The following ZMPSTE24 variants were observed in gnomAD, a reference collection of about 807,000 sequenced individuals.
ZMPSTE24 encodes the protein CAAX prenyl protease 1 homolog.
A neutral mutation model predicts 56.7 loss-of-function variants in ZMPSTE24; 48 were observed. The observed-to-expected ratio is 0.85, with a 90% CI of 0.67 to 1.08. ZMPSTE24 has a LOEUF of 1.08. Among genes scored for constraint, ZMPSTE24 ranks in the 50% least tolerant of loss-of-function variants. ZMPSTE24 has a pLI of 0.00. For synonymous variants in ZMPSTE24, 172 were observed against 195.2 expected (o/e 0.88, Z 0.99); for missense variants, 503 against 548.7 (o/e 0.92, Z 0.83).
At chr1:40,291,867 G>C (rs1281115869) in intron 9 of ZMPSTE24, among the ~76,000 whole-genome samples, 1 of 146,046 alleles carries the variant, frequency 6.8e-6, no homozygotes, top group Non-Finnish European at 1.5e-5. Context: ...TTAAGATGGA[G>C]TCTCGCTCTG....
At chr1:40,291,744 A>C (rs1033004478) in intron 9 of ZMPSTE24, among the ~76,000 whole-genome samples, 1 of 152,216 alleles carries the variant, frequency 6.6e-6, no homozygotes, top group Non-Finnish European at 1.5e-5. Context: ...ACACCAGGAA[A>C]GAAAAATGGA....
chr1:40,258,482 C>T (rs2124573839), intron 1 of ZMPSTE24, 88 bp downstream of exon 1: 2 of 1,599,522 alleles, frequency 1.3e-6, no homozygotes, highest in Admixed American at 3.3e-5. Flanking sequence ...TTGATTGCTT[C>T]GGTCCCCGCG....
At position 40,293,395 on chromosome 1, in the gene ZMPSTE24, G is replaced by A. The variant is rs1170402461; in HGVS notation, c.*726G>A. The A allele has an allele frequency of 2.6e-5, 4 of 151,600 alleles. No homozygotes were observed. The highest frequency in any genetic ancestry group is 2.1e-4 in the South Asian group (1 of 4,812). The allele number at this position is 151,600 out of a possible 1,614,324, so 9.4% of individuals were successfully genotyped here. Reference sequence around the variant, plus strand: ...CCGTGTCTTTATCTTTTTTTCCCACGTGGTAGATATGATCCCATTGGAGGT... The same window carrying A: ...CCGTGTCTTTATCTTTTTTTCCCACATGGTAGATATGATCCCATTGGAGGT... On this transcript the variant is annotated 3_prime_UTR_variant, in exon 10 of 10. Transcript: ENST00000372759.
At chr1:40,270,557 C>G (rs1203873405) in intron 5 of ZMPSTE24, among the ~76,000 whole-genome samples, 1 of 152,124 alleles carries the variant, frequency 6.6e-6, no homozygotes, top group African/African-American at 2.4e-5. Context: ...CTTCCCTTCC[C>G]TTGCCTTTCC....
At chr1:40,264,991 A>G (rs1176108522) in intron 2 of ZMPSTE24, among the ~76,000 whole-genome samples, 2 of 151,890 alleles carry the variant, frequency 1.3e-5, no homozygotes, top group Non-Finnish European at 2.9e-5. Context: ...GAGCATGCTT[A>G]GTGAAATTGT....
chr1:40,281,250 AT>A (rs1643725825), intron 6 of ZMPSTE24, 92 bp from the exon 7 acceptor site: 7 of 1,196,024 alleles, frequency 5.9e-6, no homozygotes, highest in Non-Finnish European at 8.6e-6. Flanking sequence ...GAAAATGTTA[AT>A]GTCCTTTCCA....
chr1:40,267,985 C>A, intron 3 of ZMPSTE24, 113 bp downstream of exon 3: 1 of 913,926 alleles, frequency 1.1e-6, no homozygotes, highest in Non-Finnish European at 1.8e-6. Context: ...TCTCTGTTTG[C>A]ATAGTCCTTG....
At position 40,260,656 on chromosome 1, in the gene ZMPSTE24, T is replaced by C. The variant is rs568453893; in HGVS notation, c.124-183T>C. On this transcript the variant is annotated intron_variant, in intron 1 of 9. Transcript: ENST00000372759. ...CCAGTCAGGTCACCTCAGGTTCTCT[T>C]GTTCTGCTTTTATTTTCCTGCATCA... is the stretch of plus-strand genomic sequence containing the variant. Among the ~76,000 whole-genome samples the C allele has an allele frequency of 3.3e-5, 5 of 152,334 alleles. No homozygotes were observed. The East Asian group carries it at 9.6e-4, about 29-fold the overall frequency.
chr1:40,270,092 A>T lies in ZMPSTE24; in HGVS notation c.592A>T (p.Ile198Phe), dbSNP rs199984135. The change falls in exon 5 of 10, where the codon ATT (isoleucine) becomes TTT (phenylalanine). Residue 198 changes from isoleucine to phenylalanine, a missense_variant. By Grantham distance (21) the Ile-to-Phe change is conservative. Coordinates refer to ENST00000372759, the MANE Select transcript of ZMPSTE24 (RefSeq NM_005857.5). The part of the protein sequence containing the change: ...IIKIGGDYFF[I>F]YAWLFTLVVS... ...TAAAATTGGGGGTGACTATTTTTTT[A>T]TTTATGCCTGGCTGTTCACATTAGT... The T allele has an allele frequency of 6.2e-7, 1 of 1,613,688 alleles. No individual in the cohort carries two copies.
At chr1:40,290,711 C>G in intron 8 of ZMPSTE24, 143 bp from the exon 9 acceptor site, 1 of 849,484 alleles carries the variant, frequency 1.2e-6, no homozygotes, top group East Asian at 2.8e-5. Flanking sequence ...ATCCACCCGC[C>G]TTGGCCTCCC....
intron 6 of ZMPSTE24, among the ~76,000 whole-genome samples, chr1:40,280,251 C>T (rs1223286478): frequency 6.6e-6 from 1 of 152,098 alleles, no homozygotes; most frequent in Non-Finnish European, 1.5e-5. Context: ...TGGCCTGCCA[C>T]TACGCTCCTC....
In ZMPSTE24 at chr1:40,287,537, C is replaced by T. The variant is rs573992283; in HGVS notation, c.1059+1508C>T. The stretch of plus-strand genomic sequence containing the variant: ...ACTAAAAATACAAAAATTAGCCAGG[C>T]GTGGTGGCACGCCTGTAATCCCAGC... On this transcript the variant is annotated intron_variant, in intron 8 of 9. Coordinates refer to ENST00000372759, the MANE Select transcript of ZMPSTE24 (RefSeq NM_005857.5). Among the ~76,000 whole-genome samples the T allele has an allele frequency of 5.1e-4, 75 of 148,372 alleles. 1 individual carries two copies. Among genetic ancestry groups the T allele is most frequent in the Non-Finnish European group, 1.0e-3 (69 of 67,236 alleles).
intron 2 of ZMPSTE24, among the ~76,000 whole-genome samples, chr1:40,266,226 G>A (rs917348924): frequency 6.6e-6 from 1 of 152,078 alleles, no homozygotes; most frequent in African/African-American, 2.4e-5. Flanking sequence ...AAATATGATA[G>A]TACCAAAACC....
At chr1:40,281,035 G>T (rs1022011642) in intron 6 of ZMPSTE24, among the ~76,000 whole-genome samples, 1 of 152,110 alleles carries the variant, frequency 6.6e-6, no homozygotes, top group Non-Finnish European at 1.5e-5. Flanking sequence ...TTCTTTGGAA[G>T]TATAATTTTT....
chr1:40,271,160 G>T (rs1269632069), intron 5 of ZMPSTE24, among the ~76,000 whole-genome samples: 2 of 152,178 alleles, frequency 1.3e-5, no homozygotes, highest in Non-Finnish European at 2.9e-5. Flanking sequence ...GAGCTCCTGG[G>T]CTCAAGCAGT....
intron 7 of ZMPSTE24, among the ~76,000 whole-genome samples, chr1:40,285,723 C>T (rs368435528): frequency 6.7e-6 from 1 of 150,238 alleles, no homozygotes; most frequent in Non-Finnish European, 1.5e-5. Context: ...CCATCTTGTT[C>T]GTCATTCTAT....
At chr1:40,288,427 C>T (rs1226657475) in intron 8 of ZMPSTE24, among the ~76,000 whole-genome samples, 2 of 152,212 alleles carry the variant, frequency 1.3e-5, no homozygotes, top group African/African-American at 4.8e-5. Flanking sequence ...AATCAGCCTA[C>T]CACAAGGTGG....
chr1:40,273,602 G>C (rs1356910149), intron 6 of ZMPSTE24, among the ~76,000 whole-genome samples: 12 of 127,496 alleles, frequency 9.4e-5, no homozygotes, highest in African/African-American at 3.2e-4. Context: ...AGGATATACA[G>C]CCCAACTAAA....
At chr1:40,268,938 T>C (rs1643584029) in intron 4 of ZMPSTE24, among the ~76,000 whole-genome samples, 1 of 150,986 alleles carries the variant, frequency 6.6e-6, no homozygotes, top group Non-Finnish European at 1.5e-5. Flanking sequence ...TAGCCGGGCT[T>C]GGTGGTGGGC....
Sources: gnomAD v4.1 joint callset for allele counts (sites outside exome capture counted in the v4.1 genomes callset) on GRCh38, gnomAD v4.1.1 for gene constraint, MANE v1.5 for transcripts, NCBI Gene and HGNC (gene_info 2026-07-23, HGNC 2026-07-21) for gene names.